Variants in CADPS2 observed in about 807,000 individuals in gnomAD.
The protein encoded by CADPS2 is calcium-dependent secretion activator 2.
Under a neutral mutation model 172.5 loss-of-function variants are expected in CADPS2, and 93 were observed. That is an observed-to-expected ratio of 0.54 (90% confidence interval 0.46 to 0.64). CADPS2 has a LOEUF of 0.64. CADPS2 is among the 30% of genes least tolerant of loss of function. The probability of loss-of-function intolerance (pLI) is 0.00; values close to 1 mark genes in which losing one functional copy is unlikely to be tolerated. For missense variants in CADPS2, 1,420 were observed against 1,565.9 expected (o/e 0.91, Z 1.57); for synonymous variants, 546 against 555.2 (o/e 0.98, Z 0.23).
chr7:122,454,032 A>G (rs928118881), intron 14 of CADPS2, among the ~76,000 whole-genome samples: 1 of 152,216 alleles, frequency 6.6e-6, no homozygotes, highest in Non-Finnish European at 1.5e-5. Flanking sequence ...ATTAGGCATA[A>G]GAAGCAGCCT....
intron 8 of CADPS2, among the ~76,000 whole-genome samples, chr7:122,514,642 A>C (rs1377068911): frequency 6.6e-6 from 1 of 152,128 alleles, no homozygotes; most frequent in East Asian, 1.9e-4. Flanking sequence ...TCATTCCTGA[A>C]TGTATTAAGG....
At chr7:122,732,928 C>CATTATATATTATGTATAATAT (rs2091826678) in intron 2 of CADPS2, among the ~76,000 whole-genome samples, 2 of 135,742 alleles carry the variant, frequency 1.5e-5, no homozygotes, top group African/African-American at 2.6e-5. Flanking sequence ...ATGTATAATA[C>CATTATATATTATGTATAATAT]ATATTATATA....
intron 14 of CADPS2, among the ~76,000 whole-genome samples, chr7:122,463,506 T>C (rs2054733657): frequency 6.6e-6 from 1 of 152,166 alleles, no homozygotes; most frequent in Non-Finnish European, 1.5e-5. Context: ...AAGTTAAAAT[T>C]ACTTAGAATC....
At chr7:122,611,895 T>A (rs1182002874) in intron 6 of CADPS2, among the ~76,000 whole-genome samples, 1 of 150,140 alleles carries the variant, frequency 6.7e-6, no homozygotes, top group Non-Finnish European at 1.5e-5. Context: ...GAATGCAAGG[T>A]TCATTTAACA....
At chr7:122,546,698 C>T (rs1474191729) in intron 8 of CADPS2, among the ~76,000 whole-genome samples, 7 of 152,120 alleles carry the variant, frequency 4.6e-5, no homozygotes, top group East Asian at 3.9e-4. Context: ...AGTTTCATCC[C>T]GACTTTGGCC....
intron 2 of CADPS2, among the ~76,000 whole-genome samples, chr7:122,686,544 T>A (rs1381339184): frequency 1.3e-5 from 2 of 152,202 alleles, no homozygotes. Context: ...TTCTGTAAAC[T>A]CTGCAGTGAG....
chr7:122,836,999 T>A (rs538493443), intron 1 of CADPS2, among the ~76,000 whole-genome samples: 2 of 151,674 alleles, frequency 1.3e-5, no homozygotes, highest in African/African-American at 2.4e-5. Context: ...CATATCTTGC[T>A]TATTCCAAAA....
chr7:122,514,258 C>T (rs2060195474), intron 8 of CADPS2, among the ~76,000 whole-genome samples: 1 of 151,156 alleles, frequency 6.6e-6, no homozygotes, highest in Admixed American at 6.6e-5. Context: ...ATTTTATAAT[C>T]CTTTATTCTG....
At chr7:122,443,226 A>G (rs891823957) in intron 15 of CADPS2, among the ~76,000 whole-genome samples, 20 of 152,206 alleles carry the variant, frequency 1.3e-4, no homozygotes, top group African/African-American at 4.3e-4. Context: ...TTAGCTGCCC[A>G]TGATGTGTAA....
chr7:122,869,497 A>C (rs1585048854), intron 1 of CADPS2, among the ~76,000 whole-genome samples: 1 of 152,050 alleles, frequency 6.6e-6, no homozygotes, highest in African/African-American at 2.4e-5. Flanking sequence ...TCCTTCAAAA[A>C]TGTAGGGGAG....
chr7:122,443,869 T>C (rs902813967), intron 15 of CADPS2, among the ~76,000 whole-genome samples: 4 of 151,964 alleles, frequency 2.6e-5, no homozygotes, highest in Admixed American at 2.0e-4. Context: ...GAGAAGTATG[T>C]AGCCTTCATT....
At position 122,427,984 on chromosome 7, in the gene CADPS2, C is replaced by T. The variant is rs1026050980; in HGVS notation, c.2476+10357G>A. 5.9e-5 allele frequency among the ~76,000 whole-genome samples: 9 copies of T among 152,078 alleles called. No individual in the cohort carries two copies. In the East Asian group the frequency reaches 1.2e-3, roughly 20 times the overall value. The stretch of plus-strand genomic sequence containing the variant: ...TTCTTCATAGAGGTCTATAAAGTTT[C>T]GCATGTTTTTATCAAAGCTAATTCC... On this transcript the variant is annotated intron_variant, in intron 17 of 29. Transcript: ENST00000449022.
At chr7:122,547,592 G>C (rs1262467607) in intron 8 of CADPS2, among the ~76,000 whole-genome samples, 4 of 152,158 alleles carry the variant, frequency 2.6e-5, no homozygotes, top group Non-Finnish European at 5.9e-5. Flanking sequence ...TTTAAAAATA[G>C]CAAGTGAGAC....
chr7:122,744,081 G>T (rs1227341476), intron 1 of CADPS2, among the ~76,000 whole-genome samples: 1 of 152,196 alleles, frequency 6.6e-6, no homozygotes, highest in Non-Finnish European at 1.5e-5. Flanking sequence ...AAATGACCAA[G>T]TTAAGACCAA....
intron 8 of CADPS2, among the ~76,000 whole-genome samples, chr7:122,519,098 G>C (rs2060592070): frequency 6.6e-6 from 1 of 151,920 alleles, no homozygotes; most frequent in Non-Finnish European, 1.5e-5. Context: ...TTGGGGCGGG[G>C]GAGGGAATCC....
intron 2 of CADPS2, among the ~76,000 whole-genome samples, chr7:122,723,414 G>C (rs1328405948): frequency 1.3e-5 from 2 of 152,052 alleles, no homozygotes; most frequent in African/African-American, 2.4e-5. Flanking sequence ...GCAGCCAAAA[G>C]ACACATGAAA....
intron 15 of CADPS2, among the ~76,000 whole-genome samples, chr7:122,442,620 G>C (rs1015443045): frequency 6.6e-6 from 1 of 152,098 alleles, no homozygotes; most frequent in Admixed American, 6.6e-5. Context: ...CATATGTTAA[G>C]TTTAACTTGT....
chr7:122,499,184 A>G (rs1457714381), intron 9 of CADPS2, among the ~76,000 whole-genome samples: 1 of 152,260 alleles, frequency 6.6e-6, no homozygotes, highest in Non-Finnish European at 1.5e-5. Context: ...TTAATTGCCC[A>G]AGGGCAGATT....
At chr7:122,756,919 T>G (rs567945646) in intron 1 of CADPS2, among the ~76,000 whole-genome samples, 1 of 150,320 alleles carries the variant, frequency 6.7e-6, no homozygotes, top group South Asian at 2.1e-4. Flanking sequence ...AAAAAAAAAA[T>G]TACATCCTCA....
Sources: allele counts gnomAD v4.1 joint callset (sites outside exome capture counted in the v4.1 genomes callset), GRCh38; gene constraint gnomAD v4.1.1; transcripts MANE v1.5; gene names NCBI Gene and HGNC (gene_info 2026-07-23, HGNC 2026-07-21).